The following MX2 variants were observed in gnomAD, a reference collection of about 807,000 sequenced individuals.
MX2 encodes interferon-induced GTP-binding protein Mx2.
In MX2, 51 loss-of-function variants were observed where a neutral mutation model predicts 74.0. The ratio of observed to expected loss-of-function variants is 0.69; its 90% confidence interval spans 0.55 to 0.87. The LOEUF is 0.87. Ranked by LOEUF, MX2 falls within the 40% of genes least tolerant of loss-of-function variation. The pLI, the probability that MX2 is intolerant of heterozygous loss-of-function variation, is 0.00. For synonymous variants in MX2, 369 were observed against 339.3 expected, an observed-to-expected ratio of 1.09 and a Z score of -0.96; for missense variants, 832 against 908.7, an observed-to-expected ratio of 0.92 and a Z score of 1.09.
chr21:41,371,989 C>G (rs1029208643), intron 1 of MX2, among the ~76,000 whole-genome samples: 2 of 152,156 alleles, frequency 1.3e-5, no homozygotes, highest in Non-Finnish European at 2.9e-5. Context: ...TTGTATTTTG[C>G]GAACACCGAG....
chr21:41,378,066 G>A, intron 3 of MX2, 85 bp downstream of exon 3: 2 of 1,461,762 alleles, frequency 1.4e-6, no homozygotes, highest in African/African-American at 2.8e-5. Context: ...AGAGGTTTTA[G>A]AGACAGGCTG....
At chr21:41,399,166 CAA>C in intron 9 of MX2, 28 bp from the exon 10 acceptor site, 1 of 1,609,336 alleles carries the variant, frequency 6.2e-7, no homozygotes, top group Non-Finnish European at 8.5e-7. Context: ...ATGATTTCCG[CAA>C]AGACTATTGA....
At chr21:41,405,993 C>T (rs1285411922) in intron 12 of MX2, among the ~76,000 whole-genome samples, 1 of 151,698 alleles carries the variant, frequency 6.6e-6, no homozygotes, top group Non-Finnish European at 1.5e-5. Context: ...AATGAGCCAT[C>T]GCACCCGGCC....
At chr21:41,383,565 G>A (rs563226158) in intron 5 of MX2, among the ~76,000 whole-genome samples, 8 of 152,320 alleles carry the variant, frequency 5.3e-5, no homozygotes, top group Admixed American at 4.6e-4. Context: ...AGGCTGGGGA[G>A]ATGAGGCCCT....
chr21:41,377,635 C>T (rs1601400644), intron 2 of MX2, among the ~76,000 whole-genome samples, 154 bp from the exon 3 acceptor site: 1 of 152,074 alleles, frequency 6.6e-6, no homozygotes, highest in South Asian at 2.1e-4. Context: ...AACAGAAGGG[C>T]CCCTGAAAGC....
intron 1 of MX2, chr21:41,373,142 A>C (rs1355934097): frequency 6.6e-6 from 1 of 152,242 alleles, no homozygotes; most frequent in Non-Finnish European, 1.5e-5. Flanking sequence ...GCACCAAAAA[A>C]GGTGGCAGTG....
rs922119318 is a variant in MX2 at position 41,380,744 on chromosome 21, G to A, written c.577+593G>A. On this transcript the variant is annotated intron_variant, in intron 4 of 13. Coordinates refer to ENST00000330714, the MANE Select transcript of MX2 (RefSeq NM_002463.2). The surrounding 1 kb of genome is among the most constrained non-coding windows in gnomAD (Gnocchi z 4.3). ...GCTTGTTCTTGGCCATGGCTGATCA[G>A]AAAAGGCTCAGTTGCTCCTGGAGTC... Among the ~76,000 whole-genome samples, 2 of 152,180 alleles carry A rather than the reference G, an allele frequency of 1.3e-5. No individual in the cohort carries two copies. The highest frequency in any genetic ancestry group is 6.5e-5 in the Admixed American group (1 of 15,280).
At chr21:41,382,693 G>A (rs1601407839) in intron 5 of MX2, 129 bp downstream of exon 5, 1 of 1,235,774 alleles carries the variant, frequency 8.1e-7, no homozygotes, top group East Asian at 2.4e-5. Context: ...GGTAAGACCT[G>A]CCCAGGTGGG....
chr21:41,382,103 C>T (rs997255172), intron 4 of MX2, among the ~76,000 whole-genome samples: 1 of 152,232 alleles, frequency 6.6e-6, no homozygotes, highest in African/African-American at 2.4e-5. Context: ...ACCACCACAG[C>T]ACTCACTGGA....
At chr21:41,384,522 A>C (rs2089543104) in intron 5 of MX2, among the ~76,000 whole-genome samples, 1 of 152,196 alleles carries the variant, frequency 6.6e-6, no homozygotes, top group South Asian at 2.1e-4. Context: ...TTGTTTCTCT[A>C]CATTCTTTTA....
intron 1 of MX2, chr21:41,364,972 C>G (rs906885749): frequency 6.6e-6 from 1 of 152,224 alleles, no homozygotes; most frequent in African/African-American, 2.4e-5. Context: ...TTTGGCAACA[C>G]CTCACAGACA....
intron 1 of MX2, among the ~76,000 whole-genome samples, chr21:41,369,265 CG>C (rs1180646039): frequency 6.6e-6 from 1 of 152,142 alleles, no homozygotes; most frequent in African/African-American, 2.4e-5. Context: ...TGAGCGGCGG[CG>C]GGGCCATTCA....
In MX2 at chr21:41,408,840, G is replaced by C. The variant is rs1403609138; in HGVS notation, c.*607G>C. 1 of 152,372 alleles carries C rather than the reference G, an allele frequency of 6.6e-6. No individual in the cohort carries two copies. Among genetic ancestry groups the C allele is most frequent in the African/African-American group, 2.4e-5 (1 of 41,458 alleles). 9.4% of individuals were successfully genotyped at this position (152,372 alleles called of 1,614,324 possible). A position where few individuals can be genotyped will look rare whatever the true frequency, so the allele number is the denominator to read the frequency against. On this transcript the variant is annotated 3_prime_UTR_variant, in exon 14 of 14. Coordinates refer to ENST00000330714, the MANE Select transcript of MX2 (RefSeq NM_002463.2). ...ACTCCCCCGCCAGAAAGGAGCCTGAGTGATTCTCTTTTCTTCTTGTTTCCC... is the reference window on the plus strand; with the variant it reads ...ACTCCCCCGCCAGAAAGGAGCCTGACTGATTCTCTTTTCTTCTTGTTTCCC...
chr21:41,401,986 C>T lies in MX2; in HGVS notation c.1431C>T (p.His477=), dbSNP rs2089820601. 4.3e-6 allele frequency: 7 copies of T among 1,613,192 alleles called. No individual in the cohort carries two copies. Among genetic ancestry groups the T allele is most frequent in the Middle Eastern group, 1.6e-4 (1 of 6,082 alleles). The part of the protein sequence containing the change: ...TNTQKVKNII[H]EEVEKYEKQY... ...ATGTTGCAGTTAAAAATATTATCCACGAAGAAGTTGAAAAATATGAAAAGC... is the reference window on the plus strand; with the variant it reads ...ATGTTGCAGTTAAAAATATTATCCATGAAGAAGTTGAAAAATATGAAAAGC... Residue 477 remains histidine, a synonymous_variant, in exon 11 of 14, where the codon CAC becomes CAT. Coordinates refer to ENST00000330714, the MANE Select transcript of MX2 (RefSeq NM_002463.2).
intron 3 of MX2, among the ~76,000 whole-genome samples, chr21:41,378,771 G>T (rs1459194116): frequency 6.6e-6 from 1 of 152,148 alleles, no homozygotes; most frequent in Admixed American, 6.5e-5. Context: ...CAGCAAGAAG[G>T]GGGTGGGACA....
intron 9 of MX2, 25 bp downstream of exon 9, chr21:41,399,044 G>C (rs184554392): frequency 6.2e-7 from 1 of 1,607,210 alleles, no homozygotes; most frequent in East Asian, 2.2e-5. Flanking sequence ...AGGACTCCAC[G>C]TGACACTGCA....
At position 41,398,895 on chromosome 21, in the gene MX2, A is replaced by G; in HGVS notation, c.1150-2A>G. Reference sequence around the variant, plus strand: ...TTGATTGTTTGCAATTGTTTTGTTTAGAAATCGCTCCCGTTGTTAGAAGGA... The same window carrying G: ...TTGATTGTTTGCAATTGTTTTGTTTGGAAATCGCTCCCGTTGTTAGAAGGA... On this transcript the variant is annotated splice_acceptor_variant, in intron 8 of 13. Transcript: ENST00000330714. LOFTEE classifies it high-confidence loss of function. 1 of 1,611,880 alleles carries G rather than the reference A, an allele frequency of 6.2e-7. No homozygotes were observed. The highest frequency in any genetic ancestry group is 8.5e-7 in the Non-Finnish European group (1 of 1,178,578).
Position 41,403,304 on chromosome 21 carries a change from A to C in MX2, c.1611A>C (p.Lys537Asn). ...AAGCTTTCATTAACGTGGCCAAAAA[A>C]CATTTTGGCGAATTTTTCAACCTTA... is the stretch of plus-strand genomic sequence containing the variant. ...IQQAFINVAKKHFGEFFNLNQ... is the reference protein window; with the variant it reads ...IQQAFINVAKNHFGEFFNLNQ... The change falls in exon 12 of 14, where the codon AAA (lysine) becomes AAC (asparagine). Residue 537 changes from lysine (K) to asparagine (N), a missense_variant. Coordinates refer to ENST00000330714, the MANE Select transcript of MX2 (RefSeq NM_002463.2). 1.2e-6 allele frequency: 2 copies of C among 1,613,986 alleles called. No individual in the cohort carries two copies. The highest frequency in any genetic ancestry group is 1.7e-6 in the Non-Finnish European group (2 of 1,179,956).
chr21:41,374,680 G>A (rs191901558), intron 1 of MX2, among the ~76,000 whole-genome samples: 106 of 152,288 alleles, frequency 7.0e-4, no homozygotes, highest in Non-Finnish European at 1.4e-3. Context: ...GGCAGGTGTC[G>A]CAGGTAGCAG....
Sources: gnomAD v4.1 joint callset for allele counts (sites outside exome capture counted in the v4.1 genomes callset) on GRCh38, gnomAD v4.1.1 for gene constraint, Gnocchi (gnomAD v3.1) non-coding constraint, MANE v1.5 for transcripts, NCBI Gene and HGNC (gene_info 2026-07-23, HGNC 2026-07-21) for gene names.